DEPDC1B: variants seen among roughly 807,000 people sequenced by gnomAD.
The protein encoded by DEPDC1B is DEP domain containing 1B.
A neutral mutation model predicts 66.5 loss-of-function variants in DEPDC1B; 51 were observed. The ratio of observed to expected loss-of-function variants is 0.77; its 90% confidence interval spans 0.61 to 0.97. DEPDC1B has a LOEUF of 0.97. Among genes scored for constraint, DEPDC1B ranks in the 50% least tolerant of loss-of-function variants. The pLI, the probability that DEPDC1B is intolerant of heterozygous loss-of-function variation, is 0.00. For missense variants in DEPDC1B, 552 were observed against 637.1 expected, an observed-to-expected ratio of 0.87 and a Z score of 1.44; for synonymous variants, 226 against 223.6, an observed-to-expected ratio of 1.01 and a Z score of -0.10.
chr5:60,616,941 G>C (rs191787465), intron 7 of DEPDC1B, among the ~76,000 whole-genome samples: 2 of 152,156 alleles, frequency 1.3e-5, no homozygotes, highest in African/African-American at 4.8e-5. Flanking sequence ...CTGATCTCTC[G>C]GCAGAAACCC....
intron 7 of DEPDC1B, among the ~76,000 whole-genome samples, chr5:60,622,158 T>G (rs1418490168): frequency 6.6e-6 from 1 of 152,138 alleles, no homozygotes; most frequent in Non-Finnish European, 1.5e-5. Flanking sequence ...CATATCCCCA[T>G]GTAAACAGCA....
Position 60,654,363 on chromosome 5 carries a change from T to C in DEPDC1B, c.315-6830A>G, listed in dbSNP as rs143430540. 4.0e-4 allele frequency among the ~76,000 whole-genome samples: 59 copies of C among 148,386 alleles called. 1 individual carries two copies. Among genetic ancestry groups the C allele is most frequent in the Admixed American group, 7.3e-4 (11 of 15,000 alleles). ...TCCCTAAGTTTTTTGGTGTTTTTTTTTTCTTTTTTTTTGGTGGGGGGTACT... is the reference window on the plus strand; with the variant it reads ...TCCCTAAGTTTTTTGGTGTTTTTTTCTTCTTTTTTTTTGGTGGGGGGTACT... On this transcript the variant is annotated intron_variant, in intron 2 of 10. Transcript: ENST00000265036.
At chr5:60,650,521 T>C (rs964728583) in intron 2 of DEPDC1B, among the ~76,000 whole-genome samples, 5 of 152,160 alleles carry the variant, frequency 3.3e-5, no homozygotes, top group Admixed American at 2.0e-4. Flanking sequence ...CAACAAAACA[T>C]TTCTCCAGAC....
intron 7 of DEPDC1B, among the ~76,000 whole-genome samples, chr5:60,623,414 GAAAGTAAGATTTTATAGTAAGTCTTA>G (rs1360994650): frequency 6.6e-6 from 1 of 152,048 alleles, no homozygotes; most frequent in African/African-American, 2.4e-5. Context: ...TACCACACCT[GAAAGTAAGATTTTATAGTAAGTCTTA>G]AAAACAGGTA....
chr5:60,602,248 GA>G (rs1319200649), intron 9 of DEPDC1B, among the ~76,000 whole-genome samples: 2 of 150,790 alleles, frequency 1.3e-5, no homozygotes, highest in South Asian at 2.1e-4. Context: ...GACAGACACA[GA>G]AAAAAAAATC....
At chr5:60,632,655 C>T (rs186858870) in intron 7 of DEPDC1B, among the ~76,000 whole-genome samples, 7 of 152,368 alleles carry the variant, frequency 4.6e-5, no homozygotes, top group Admixed American at 3.9e-4. Context: ...CCATGGCCTC[C>T]GAAGTGCTCA....
At chr5:60,668,124 T>A (rs199885431) in intron 2 of DEPDC1B, among the ~76,000 whole-genome samples, 3 of 83,568 alleles carry the variant, frequency 3.6e-5, no homozygotes, top group South Asian at 3.1e-4. Flanking sequence ...TATATATATA[T>A]AAAATGGATA....
chr5:60,638,332 C>G (rs1036458823), intron 7 of DEPDC1B, among the ~76,000 whole-genome samples: 2 of 151,916 alleles, frequency 1.3e-5, no homozygotes, highest in African/African-American at 2.4e-5. Flanking sequence ...TACAAAAAAC[C>G]TGTTTCTTCT....
intron 9 of DEPDC1B, among the ~76,000 whole-genome samples, chr5:60,599,543 A>C (rs956279510): frequency 1.3e-5 from 2 of 152,238 alleles, no homozygotes; most frequent in African/African-American, 4.8e-5. Context: ...AACAGGCCCC[A>C]AAACTGGCCA....
At chr5:60,602,101 T>TGGCAGGAAGGGAGGCA (rs1412246805) in intron 9 of DEPDC1B, among the ~76,000 whole-genome samples, 5 of 121,640 alleles carry the variant, frequency 4.1e-5, no homozygotes, top group Admixed American at 1.9e-4. Flanking sequence ...AGAATGTAAG[T>TGGCAGGAAGGGAGGCA]GGCAGGAAGG....
intron 4 of DEPDC1B, 134 bp downstream of exon 4, chr5:60,645,358 G>T: frequency 1.2e-6 from 1 of 859,720 alleles, no homozygotes; most frequent in Non-Finnish European, 1.7e-6. Context: ...TATGTTTGCT[G>T]ATCACAACTG....
At chr5:60,687,344 G>A (rs991874959) in intron 1 of DEPDC1B, 117 bp from the exon 2 acceptor site, 2 of 1,245,292 alleles carry the variant, frequency 1.6e-6, no homozygotes, top group Middle Eastern at 2.0e-4. Flanking sequence ...TTAATAACAG[G>A]TAGAGCCTTG....
rs149956373 is a variant in DEPDC1B at position 60,598,813 on chromosome 5, C to T, written c.1428+262G>A. On this transcript the variant is annotated intron_variant, in intron 10 of 10. Coordinates refer to ENST00000265036, the MANE Select transcript of DEPDC1B (RefSeq NM_018369.3). The stretch of plus-strand genomic sequence containing the variant: ...TGCTAATTCACATCATGCCACATAC[C>T]AAAACAAAGGACAAATATTAGAGAA... 2.6e-5 allele frequency among the ~76,000 whole-genome samples: 4 copies of T among 152,064 alleles called. No individual in the cohort carries two copies. The East Asian group carries it at 7.7e-4, about 29-fold the overall frequency.
Position 60,603,441 on chromosome 5 carries a change from C to G in DEPDC1B, c.1192G>C (p.Ala398Pro). 6.2e-7 allele frequency: 1 copy of G among 1,612,270 alleles called. No individual in the cohort carries two copies. The highest frequency in any genetic ancestry group is 1.1e-5 in the South Asian group (1 of 90,776). The change falls in exon 9 of 11, where the codon GCC becomes CCC. Residue 398 changes from alanine (A) to proline (P), a missense_variant. Coordinates refer to ENST00000265036, the MANE Select transcript of DEPDC1B (RefSeq NM_018369.3). ...CGCTCCTCTATAGAGGTCTGCAAGG[C>G]CAAAGGGACTTTCAGAATTTCCTGG... ...NYQEILKVPL[A>P]LQTSIEERVA...
intron 7 of DEPDC1B, among the ~76,000 whole-genome samples, chr5:60,626,335 A>G (rs1433253578): frequency 6.6e-6 from 1 of 152,128 alleles, no homozygotes; most frequent in Non-Finnish European, 1.5e-5. Flanking sequence ...TGGACATTTC[A>G]GTTGTTTCCA....
intron 2 of DEPDC1B, among the ~76,000 whole-genome samples, chr5:60,659,045 G>T (rs543814669): frequency 6.6e-6 from 1 of 152,144 alleles, no homozygotes; most frequent in East Asian, 1.9e-4. Context: ...CGTCCTAATT[G>T]AGCTGAACAC....
chr5:60,604,920 C>T (rs1373127291), intron 8 of DEPDC1B, among the ~76,000 whole-genome samples: 2 of 152,172 alleles, frequency 1.3e-5, no homozygotes, highest in Non-Finnish European at 2.9e-5. Flanking sequence ...CTAAGTGCTC[C>T]TCTGATCTCA....
intron 3 of DEPDC1B, 91 bp from the exon 4 acceptor site, chr5:60,645,710 T>A: frequency 7.5e-7 from 1 of 1,340,228 alleles, no homozygotes; most frequent in Non-Finnish European, 1.0e-6. Flanking sequence ...GGGATTTTTA[T>A]GAGAAATGTC....
At chr5:60,669,453 T>C (rs1418470775) in intron 2 of DEPDC1B, among the ~76,000 whole-genome samples, 1 of 152,204 alleles carries the variant, frequency 6.6e-6, no homozygotes, top group East Asian at 1.9e-4. Context: ...TTGTTTATTA[T>C]ATGGGCTGAT....
Sources: allele counts gnomAD v4.1 joint callset (sites outside exome capture counted in the v4.1 genomes callset), GRCh38; gene constraint gnomAD v4.1.1; transcripts MANE v1.5; gene names NCBI Gene and HGNC (gene_info 2026-07-23, HGNC 2026-07-21).